Variants in MTUS2 observed in about 807,000 individuals in gnomAD.
MTUS2 encodes microtubule-associated tumor suppressor candidate 2.
In MTUS2, 40 loss-of-function variants were observed where a neutral mutation model predicts 114.1. That is an observed-to-expected ratio of 0.35 (90% CI 0.27 to 0.46). The LOEUF is 0.46. Among genes scored for constraint, MTUS2 ranks in the 20% least tolerant of loss-of-function variants. The pLI is 1.00. For missense variants in MTUS2, 1,679 were observed against 1,705.4 expected, an observed-to-expected ratio of 0.98 and a Z score of 0.27; for synonymous variants, 688 against 672.0, an observed-to-expected ratio of 1.02 and a Z score of -0.37.
rs373685273 is a variant in MTUS2, at chr13:29,043,057, A to G, written c.2446+8932A>G. On this transcript the variant is annotated intron_variant, in intron 4 of 15. Coordinates refer to ENST00000612955, the MANE Select transcript of MTUS2 (RefSeq NM_001033602.4). The stretch of plus-strand genomic sequence containing the variant: ...CTAGTTTCTTGAGGTGTGACCTTAG[A>G]TTGTCTGTTTGTCCTTTTTCCAATT... Among the ~76,000 whole-genome samples the G allele has an allele frequency of 2.0e-5, 3 of 151,698 alleles. No individual in the cohort carries two copies. In the East Asian group the frequency reaches 5.8e-4, roughly 29 times the overall value.
chr13:29,203,560 GAAAA>G (rs57964712), intron 5 of MTUS2, among the ~76,000 whole-genome samples: 8 of 116,146 alleles, frequency 6.9e-5, no homozygotes, highest in Non-Finnish European at 1.3e-4. Flanking sequence ...ACTGGGGTAT[GAAAA>G]AAAAAAAAAA....
chr13:29,475,514 T>G (rs909771904), intron 9 of MTUS2, among the ~76,000 whole-genome samples: 2 of 152,182 alleles, frequency 1.3e-5, no homozygotes, highest in African/African-American at 4.8e-5. Context: ...GACAGCTCCA[T>G]GGATGTTACT....
chr13:29,236,609 C>T (rs1001803505), intron 5 of MTUS2, among the ~76,000 whole-genome samples: 12 of 152,312 alleles, frequency 7.9e-5, no homozygotes, highest in East Asian at 1.9e-4. Flanking sequence ...TTACAGTACA[C>T]GACCACCAAC....
chr13:29,382,740 C>T (rs1033850630), intron 8 of MTUS2, among the ~76,000 whole-genome samples: 4 of 152,178 alleles, frequency 2.6e-5, no homozygotes, highest in South Asian at 2.1e-4. Context: ...ATTCTGCCTT[C>T]ATGTAAGACA....
chr13:29,264,414 T>C (rs1897591724), intron 5 of MTUS2, among the ~76,000 whole-genome samples: 1 of 152,230 alleles, frequency 6.6e-6, no homozygotes, highest in Admixed American at 6.5e-5. Flanking sequence ...GTCTGGAGGA[T>C]GGCGGCCCCC....
rs138427808 is a variant in MTUS2, at chr13:28,942,116, A to G, written c.-242-82341A>G. On this transcript the variant is annotated intron_variant, in intron 2 of 15. Coordinates refer to ENST00000612955, the MANE Select transcript of MTUS2 (RefSeq NM_001033602.4). ...TGAAAGTAACAAAGATCTTACATCT[A>G]TAATATTTAAATAACTCACTTAAAG... 6.6e-3 allele frequency among the ~76,000 whole-genome samples: 1,011 copies of G among 152,326 alleles called. 5 individuals carry two copies. Among genetic ancestry groups the G allele is most frequent in the Non-Finnish European group, 0.011 (716 of 68,018 alleles).
At chr13:29,014,425 G>A (rs531759324) in intron 2 of MTUS2, among the ~76,000 whole-genome samples, 1 of 152,302 alleles carries the variant, frequency 6.6e-6, no homozygotes, top group East Asian at 1.9e-4. Flanking sequence ...TTCATTCAAC[G>A]GATATTTATT....
chr13:29,335,790 C>A (rs1901033993), intron 7 of MTUS2, among the ~76,000 whole-genome samples: 1 of 152,226 alleles, frequency 6.6e-6, no homozygotes, highest in Non-Finnish European at 1.5e-5. Context: ...TGTTTTCCAA[C>A]TTGGTTCCTT....
chr13:28,953,917 G>A (rs1244062460), intron 2 of MTUS2, among the ~76,000 whole-genome samples: 11 of 152,162 alleles, frequency 7.2e-5, no homozygotes, highest in African/African-American at 1.9e-4. Context: ...TGAAGGGGGC[G>A]TTAAGGCTTC....
intron 5 of MTUS2, among the ~76,000 whole-genome samples, chr13:29,185,248 G>A (rs1403221994): frequency 6.6e-6 from 1 of 151,848 alleles, no homozygotes; most frequent in Non-Finnish European, 1.5e-5. Context: ...ACGCAAAGAA[G>A]AATGAAAAAA....
intron 2 of MTUS2, among the ~76,000 whole-genome samples, chr13:28,988,911 T>C (rs892041801): frequency 6.6e-6 from 1 of 152,154 alleles, no homozygotes; most frequent in Non-Finnish European, 1.5e-5. Context: ...GTCTAAAATA[T>C]TAGTTTAATA....
At chr13:29,192,048 T>G (rs531874018) in intron 5 of MTUS2, among the ~76,000 whole-genome samples, 1 of 152,188 alleles carries the variant, frequency 6.6e-6, no homozygotes, top group Non-Finnish European at 1.5e-5. Flanking sequence ...AATCTCAAAA[T>G]TCACTTTGTG....
At chr13:29,190,536 G>A (rs1357268518) in intron 5 of MTUS2, among the ~76,000 whole-genome samples, 1 of 152,218 alleles carries the variant, frequency 6.6e-6, no homozygotes, top group Non-Finnish European at 1.5e-5. Flanking sequence ...CCTCCAGATT[G>A]GTTTGGCCTT....
At chr13:29,409,704 A>G (rs1450018797) in intron 8 of MTUS2, among the ~76,000 whole-genome samples, 2 of 152,112 alleles carry the variant, frequency 1.3e-5, no homozygotes, top group African/African-American at 4.8e-5. Context: ...AGGATACTAC[A>G]GTGTGAATAT....
chr13:29,002,848 A>G (rs1234055242), intron 2 of MTUS2, among the ~76,000 whole-genome samples: 1 of 152,234 alleles, frequency 6.6e-6, no homozygotes, highest in Non-Finnish European at 1.5e-5. Context: ...GCTCTTAAAT[A>G]TGCTTCAGTT....
At chr13:29,000,361 CT>C (rs1179839277) in intron 2 of MTUS2, among the ~76,000 whole-genome samples, 3 of 151,734 alleles carry the variant, frequency 2.0e-5, no homozygotes, top group East Asian at 1.9e-4. Context: ...GTGTTTTTTC[CT>C]TTTTTTTCTT....
intron 5 of MTUS2, among the ~76,000 whole-genome samples, chr13:29,182,417 T>C (rs1385468270): frequency 6.6e-6 from 1 of 152,270 alleles, no homozygotes; most frequent in Non-Finnish European, 1.5e-5. Context: ...AACATGTACG[T>C]AGTTTAGTAA....
intron 5 of MTUS2, among the ~76,000 whole-genome samples, chr13:29,151,703 T>C (rs1182797000): frequency 6.6e-6 from 1 of 152,208 alleles, no homozygotes; most frequent in Non-Finnish European, 1.5e-5. Flanking sequence ...TTTTGAGGTA[T>C]GTTTCTTCAA....
At chr13:29,491,074 AGTGT>A (rs1049794738) in intron 11 of MTUS2, among the ~76,000 whole-genome samples, 16 of 135,754 alleles carry the variant, frequency 1.2e-4, no homozygotes, top group African/African-American at 3.9e-4. Context: ...GGGATGTGGG[AGTGT>A]GTGTGTGGTA....
Sources: gnomAD v4.1 joint callset for allele counts (sites outside exome capture counted in the v4.1 genomes callset) on GRCh38, gnomAD v4.1.1 for gene constraint, MANE v1.5 for transcripts, NCBI Gene and HGNC (gene_info 2026-07-23, HGNC 2026-07-21) for gene names.